Variants in SI observed in about 807,000 individuals in gnomAD.
The protein encoded by SI is sucrase-isomaltase, intestinal.
SI carries 235 observed loss-of-function variants against 253.3 expected under a neutral mutation model. That is an observed-to-expected ratio of 0.93 (90% CI 0.83 to 1.03). The LOEUF (loss-of-function observed/expected upper bound fraction) is 1.03, where lower values mean the gene tolerates loss of function less well. Among genes scored for constraint, SI ranks in the 50% least tolerant of loss-of-function variants. The pLI, the probability that SI is intolerant of heterozygous loss-of-function variation, is 0.00. For synonymous variants in SI, 819 were observed against 712.0 expected, an observed-to-expected ratio of 1.15 and a Z score of -2.39; for missense variants, 2,442 against 2,211.1, an observed-to-expected ratio of 1.10 and a Z score of -2.09.
the SI span, among the ~76,000 whole-genome samples, chr3:165,084,112 G>A: frequency 6.6e-6 from 1 of 151,972 alleles, no homozygotes; most frequent in Non-Finnish European, 1.5e-5. Flanking sequence ...GAGCTCTTGT[G>A]AATGAAAATA....
chr3:165,000,469 T>C (rs1718206726), intron 37 of SI, among the ~76,000 whole-genome samples: 1 of 151,474 alleles, frequency 6.6e-6, no homozygotes, highest in Non-Finnish European at 1.5e-5. Context: ...ATGATAAATA[T>C]CTGAGAAGAT....
chr3:165,069,059 A>AC lies in SI; in HGVS notation c.373+18_373+19insG. ...TTAGAATATATCATATTGAATCATTATAACAGAGGACTTCTTACCAATACT... is the reference window on the plus strand; with the variant it reads ...TTAGAATATATCATATTGAATCATTACTAACAGAGGACTTCTTACCAATACT... On this transcript the variant is annotated intron_variant, in intron 4 of 47. Coordinates refer to ENST00000264382, the MANE Select transcript of SI (RefSeq NM_001041.4). 1 of 1,484,284 alleles carries AC rather than the reference A, an allele frequency of 6.7e-7. No homozygotes were observed. 91.9% of individuals were successfully genotyped at this position (1,484,284 alleles called of 1,614,324 possible).
chr3:164,989,312 C>T (rs576488900), intron 44 of SI, among the ~76,000 whole-genome samples: 2 of 146,674 alleles, frequency 1.4e-5, no homozygotes, highest in African/African-American at 5.0e-5. Flanking sequence ...GCACTCCAGC[C>T]TGAGCAACAG....
At chr3:165,054,916 G>GT (rs770034414) in intron 13 of SI, among the ~76,000 whole-genome samples, 7 of 152,128 alleles carry the variant, frequency 4.6e-5, no homozygotes, top group Non-Finnish European at 1.0e-4. Flanking sequence ...TAAAGTATTA[G>GT]TCATAAAGGA....
chr3:165,073,265 C>G (rs1328988316), intron 3 of SI, among the ~76,000 whole-genome samples: 3 of 151,376 alleles, frequency 2.0e-5, no homozygotes, highest in Admixed American at 6.6e-5. Flanking sequence ...GAGACGGAGT[C>G]TCGCTCTGTC....
the SI span, among the ~76,000 whole-genome samples, chr3:165,087,204 C>A: frequency 6.6e-6 from 1 of 152,086 alleles, no homozygotes; most frequent in Admixed American, 6.6e-5. Flanking sequence ...GGACCTGGAC[C>A]ACCAGGAGGG....
At chr3:165,060,386 C>G (rs767698542) in intron 9 of SI, among the ~76,000 whole-genome samples, 2 of 151,892 alleles carry the variant, frequency 1.3e-5, no homozygotes, top group East Asian at 1.9e-4. Flanking sequence ...AAATTTTCCA[C>G]CACACTCCTA....
intron 25 of SI, among the ~76,000 whole-genome samples, chr3:165,027,253 T>C (rs974449928): frequency 6.7e-6 from 1 of 150,116 alleles, no homozygotes; most frequent in African/African-American, 2.4e-5. Context: ...CAACCTTAAA[T>C]CGGGAAGAAT....
At chr3:164,999,049 G>T (rs986424448) in intron 37 of SI, among the ~76,000 whole-genome samples, 2 of 151,614 alleles carry the variant, frequency 1.3e-5, no homozygotes, top group African/African-American at 2.4e-5. Flanking sequence ...TTGCCCCAAC[G>T]CCTCTCAACT....
At chr3:164,985,128 A>G (rs1022809416) in intron 45 of SI, among the ~76,000 whole-genome samples, 1 of 152,180 alleles carries the variant, frequency 6.6e-6, no homozygotes, top group African/African-American at 2.4e-5. Flanking sequence ...AAAGTCTGCC[A>G]TGAAACTTGA....
the SI span, among the ~76,000 whole-genome samples, chr3:165,088,249 G>A: frequency 1.3e-5 from 2 of 152,248 alleles, no homozygotes; most frequent in Admixed American, 6.5e-5. Flanking sequence ...TGGAAGCTGA[G>A]GCAGAAGAAT....
In SI at chr3:165,072,405, G is replaced by A. The variant is rs1034720597; in HGVS notation, c.255+2126C>T. ...TGAAAAGTATTATTAAAGATACATA[G>A]CTATAAATAACAACAACAACAACAA... On this transcript the variant is annotated intron_variant, in intron 3 of 47. Transcript: ENST00000264382. 4.0e-5 allele frequency among the ~76,000 whole-genome samples: 6 copies of A among 151,492 alleles called. No individual in the cohort carries two copies. The South Asian group carries it at 8.3e-4, about 21-fold the overall frequency.
chr3:165,075,813 T>A, intron 2 of SI, 82 bp downstream of exon 2: 1 of 871,442 alleles, frequency 1.1e-6, no homozygotes, highest in Non-Finnish European at 1.9e-6. Flanking sequence ...ACACAGATTA[T>A]TTTTTAAAAC....
Position 165,046,833 on chromosome 3 carries a change from T to C in SI, c.1887+8A>G, listed in dbSNP as rs372410648. ...TTTTATGAGTAACACTCTATGAAACTGTCTTACCAAAGGTATTCCAAACAA... is the reference window on the plus strand; with the variant it reads ...TTTTATGAGTAACACTCTATGAAACCGTCTTACCAAAGGTATTCCAAACAA... On this transcript the variant is annotated splice_region_variant and intron_variant, in intron 16 of 47. Transcript: ENST00000264382. 1 of 1,605,618 alleles carries C rather than the reference T, an allele frequency of 6.2e-7. No individual in the cohort carries two copies. The highest frequency in any genetic ancestry group is 8.5e-7 in the Non-Finnish European group (1 of 1,172,788).
At position 164,996,669 on chromosome 3, in the gene SI, A is replaced by C; in HGVS notation, c.4576-18T>G. 1 of 1,407,256 alleles carries C rather than the reference A, an allele frequency of 7.1e-7. No homozygotes were observed. The highest frequency in any genetic ancestry group is 2.3e-5 in the East Asian group (1 of 43,214). 87.2% of individuals were successfully genotyped at this position (1,407,256 alleles called of 1,614,324 possible). On this transcript the variant is annotated intron_variant, in intron 39 of 47. Transcript: ENST00000264382. ...GCTCCAGTCTAAAATATATTGTTAT[A>C]TTTAGTTAAATTTGAATAGTTTATG...
At chr3:165,082,066 C>G (rs1196891972), upstream of SI, among the ~76,000 whole-genome samples, 2 of 151,876 alleles carry the variant, frequency 1.3e-5, no homozygotes, top group African/African-American at 4.8e-5. Context: ...AGATGTATCT[C>G]TAGATGTAAC....
At chr3:165,049,369 T>C (rs1713314051) in intron 14 of SI, 125 bp from the exon 15 acceptor site, 1 of 687,008 alleles carries the variant, frequency 1.5e-6, no homozygotes, top group South Asian at 1.7e-5. Context: ...TTAAAAACAA[T>C]GACAAAGGAC....
Position 165,030,965 on chromosome 3 carries a change from A to C in SI, c.2737-98T>G, listed in dbSNP as rs536329614. ...TCTGATCATTGGATGATTTAAAAAA[A>C]CATTTTACATTTCACAAAATGTGGC... On this transcript the variant is annotated intron_variant, in intron 24 of 47. Coordinates refer to ENST00000264382, the MANE Select transcript of SI (RefSeq NM_001041.4). 4.1e-4 allele frequency: 580 copies of C among 1,431,944 alleles called. 1 individual carries two copies. Among genetic ancestry groups the C allele is most frequent in the Non-Finnish European group, 5.1e-4 (558 of 1,085,940 alleles). 88.7% of individuals were successfully genotyped at this position (1,431,944 alleles called of 1,614,324 possible). A position where few individuals can be genotyped will look rare whatever the true frequency, so the allele number is the denominator to read the frequency against.
chr3:165,031,413 C>T (rs1712237660), intron 24 of SI, among the ~76,000 whole-genome samples: 2 of 148,120 alleles, frequency 1.4e-5, no homozygotes, highest in South Asian at 2.1e-4. Context: ...CACAGATAGA[C>T]CTTTATATTG....
Sources: allele counts gnomAD v4.1 joint callset (sites outside exome capture counted in the v4.1 genomes callset), GRCh38; gene constraint gnomAD v4.1.1; transcripts MANE v1.5; gene names NCBI Gene and HGNC (gene_info 2026-07-23, HGNC 2026-07-21).